CENPC: variants seen among roughly 807,000 people sequenced by gnomAD.
CENPC encodes the protein CENP-C 1.
A neutral mutation model predicts 112.1 loss-of-function variants in CENPC; 63 were observed. The ratio of observed to expected loss-of-function variants is 0.56; its 90% CI spans 0.46 to 0.69. The LOEUF (loss-of-function observed/expected upper bound fraction) is 0.69, where lower values mean the gene tolerates loss of function less well. Ranked by LOEUF, CENPC falls within the 30% of genes least tolerant of loss-of-function variation. The pLI, the probability that CENPC is intolerant of heterozygous loss-of-function variation, is 0.00. For synonymous variants in CENPC, 333 were observed against 367.6 expected (o/e 0.91, Z 1.08); for missense variants, 1,000 against 1,103.8 (o/e 0.91, Z 1.33).
At chr4:67,498,052 G>A (rs1052260120) in intron 12 of CENPC, among the ~76,000 whole-genome samples, 8 of 151,900 alleles carry the variant, frequency 5.3e-5, no homozygotes, top group Admixed American at 1.3e-4. Context: ...CCAACATGGC[G>A]AAACCCCATC....
chr4:67,486,916 G>C (rs1725107946), intron 17 of CENPC, among the ~76,000 whole-genome samples: 1 of 149,702 alleles, frequency 6.7e-6, no homozygotes, highest in African/African-American at 2.5e-5. Flanking sequence ...CTTGTAAACT[G>C]GTAGTTAAAT....
chr4:67,487,526 A>T (rs1265586689), intron 17 of CENPC, among the ~76,000 whole-genome samples: 4 of 151,776 alleles, frequency 2.6e-5, no homozygotes, highest in Non-Finnish European at 5.9e-5. Context: ...TTTCAGGCCT[A>T]GAATCAGGCA....
chr4:67,485,316 C>T (rs755408090), intron 17 of CENPC, among the ~76,000 whole-genome samples: 1 of 152,122 alleles, frequency 6.6e-6, no homozygotes, highest in Admixed American at 6.5e-5. Flanking sequence ...TTCAAACATG[C>T]CAAATTTCAT....
chr4:67,520,831 G>A (rs1399472965), intron 5 of CENPC, among the ~76,000 whole-genome samples: 2 of 152,046 alleles, frequency 1.3e-5, no homozygotes, highest in Non-Finnish European at 2.9e-5. Context: ...GGCCAACATG[G>A]CGAAACCCCA....
intron 8 of CENPC, 67 bp from the exon 9 acceptor site, chr4:67,512,636 T>C: frequency 8.5e-7 from 1 of 1,177,078 alleles, no homozygotes; most frequent in Non-Finnish European, 1.1e-6. Flanking sequence ...AACCACAAGA[T>C]TATAAAAAAA....
intron 4 of CENPC, among the ~76,000 whole-genome samples, chr4:67,539,496 A>G (rs144937315): frequency 2.6e-3 from 389 of 152,304 alleles, no homozygotes; most frequent in African/African-American, 8.9e-3. Flanking sequence ...CCGTATAACA[A>G]TGAAGTGCCT....
intron 5 of CENPC, among the ~76,000 whole-genome samples, chr4:67,522,831 C>T (rs145183310): frequency 2.4e-3 from 364 of 152,132 alleles, no homozygotes; most frequent in African/African-American, 8.4e-3. Flanking sequence ...GAAACCCCAT[C>T]TCTACTAAAA....
chr4:67,529,236 T>A (rs1726472998), intron 5 of CENPC, among the ~76,000 whole-genome samples: 1 of 152,240 alleles, frequency 6.6e-6, no homozygotes, highest in South Asian at 2.1e-4. Flanking sequence ...TAAATCTCTA[T>A]CATCCTTTTC....
chr4:67,520,982 A>G (rs1726209569), intron 5 of CENPC, among the ~76,000 whole-genome samples: 1 of 152,112 alleles, frequency 6.6e-6, no homozygotes, highest in African/African-American at 2.4e-5. Flanking sequence ...ACTGCCCTCC[A>G]GCCTGAGCGA....
chr4:67,495,325 T>C (rs1335923741), intron 12 of CENPC, 113 bp from the exon 13 acceptor site: 1 of 978,424 alleles, frequency 1.0e-6, no homozygotes, highest in Admixed American at 3.5e-5. Flanking sequence ...TTTGACCTGA[T>C]AATGTATTTT....
chr4:67,510,954 G>A, intron 9 of CENPC: 1 of 454,672 alleles, frequency 2.2e-6, no homozygotes, highest in Non-Finnish European at 4.4e-6. Flanking sequence ...ATTTATCCAA[G>A]TTCTGTAAGA....
In CENPC at chr4:67,487,790, T is replaced by C. The variant is rs927475418; in HGVS notation, c.2670+2177A>G. Among the ~76,000 whole-genome samples, 10 of 151,706 alleles carry C rather than the reference T, an allele frequency of 6.6e-5. 1 individual carries two copies. The highest frequency in any genetic ancestry group is 1.3e-4 in the Admixed American group (2 of 15,250). On this transcript the variant is annotated intron_variant, in intron 17 of 18. Transcript: ENST00000273853. ...CTACAACCAGCTCTCATAATTAATATGTAAATTCTTCTGTAGTTTGATTTT... is the reference window on the plus strand; with the variant it reads ...CTACAACCAGCTCTCATAATTAATACGTAAATTCTTCTGTAGTTTGATTTT...
intron 12 of CENPC, among the ~76,000 whole-genome samples, chr4:67,501,688 T>C (rs1725594010): frequency 6.6e-6 from 1 of 152,194 alleles, no homozygotes; most frequent in African/African-American, 2.4e-5. Flanking sequence ...GATTTCCTTA[T>C]TTGTATGGTT....
chr4:67,541,113 T>G (rs192353957), intron 2 of CENPC, 63 bp from the exon 3 acceptor site: 4 of 1,007,952 alleles, frequency 4.0e-6, no homozygotes, highest in Middle Eastern at 2.2e-4. Context: ...ACCATCTCTT[T>G]GAAAATTCCA....
chr4:67,530,793 T>G, intron 5 of CENPC, 22 bp downstream of exon 5: 1 of 1,230,882 alleles, frequency 8.1e-7, no homozygotes, highest in Non-Finnish European at 1.2e-6. Flanking sequence ...AAGCAAATAA[T>G]GCCCATGGAG....
At chr4:67,490,861 T>G (rs372073200) in intron 16 of CENPC, among the ~76,000 whole-genome samples, 31,558 of 69,452 alleles carry the variant, frequency 0.45, 4,396 homozygotes, top group Admixed American at 0.56. Context: ...TATATATATA[T>G]ATATATATAT....
At chr4:67,488,249 G>A (rs1227860514) in intron 17 of CENPC, among the ~76,000 whole-genome samples, 1 of 149,126 alleles carries the variant, frequency 6.7e-6, no homozygotes, top group Non-Finnish European at 1.5e-5. Context: ...TAATTTTAAT[G>A]TGCTTAGTGC....
intron 4 of CENPC, among the ~76,000 whole-genome samples, chr4:67,536,225 G>C (rs976121942): frequency 3.3e-5 from 5 of 152,116 alleles, no homozygotes; most frequent in African/African-American, 1.2e-4. Context: ...ATTGAGAACA[G>C]AGGAAATGTT....
At chr4:67,481,306 T>C (rs946271524) in intron 17 of CENPC, among the ~76,000 whole-genome samples, 1 of 152,166 alleles carries the variant, frequency 6.6e-6, no homozygotes, top group South Asian at 2.1e-4. Context: ...GTAGAACCAG[T>C]ATTGTGAAAA....
Sources: allele counts gnomAD v4.1 joint callset (sites outside exome capture counted in the v4.1 genomes callset), GRCh38; gene constraint gnomAD v4.1.1; transcripts MANE v1.5; gene names NCBI Gene and HGNC (gene_info 2026-07-23, HGNC 2026-07-21).